ABCC4: variants seen among roughly 807,000 people sequenced by gnomAD.
ABCC4 encodes the protein ATP binding cassette subfamily C member 4 (PEL blood group), also known as ATP-binding cassette sub-family C member 4.
Under a neutral mutation model 168.5 loss-of-function variants are expected in ABCC4, and 102 were observed. That is an observed-to-expected ratio of 0.61 (90% CI 0.52 to 0.71). The LOEUF is 0.71. ABCC4 is among the 30% of genes least tolerant of loss of function. ABCC4 has a pLI of 0.00. For missense variants in ABCC4, 1,402 were observed against 1,605.8 expected (o/e 0.87, Z 2.17); for synonymous variants, 617 against 590.7 (o/e 1.04, Z -0.65).
intron 21 of ABCC4, 23 bp from the exon 22 acceptor site, chr13:95,075,574 C>T (rs2033871021): frequency 6.2e-7 from 1 of 1,613,558 alleles, no homozygotes; most frequent in African/African-American, 1.3e-5. Flanking sequence ...ACAGAGAAAA[C>T]AGCTCAGTGA....
chr13:95,271,778 G>A (rs191051536), intron 1 of ABCC4, among the ~76,000 whole-genome samples: 2 of 152,224 alleles, frequency 1.3e-5, no homozygotes, highest in African/African-American at 2.4e-5. Flanking sequence ...AGCTCTGCAC[G>A]AAACTGGAAG....
chr13:95,071,541 T>G (rs1467966586), intron 25 of ABCC4, 121 bp downstream of exon 25: 5 of 858,658 alleles, frequency 5.8e-6, no homozygotes, highest in East Asian at 3.1e-5. Context: ...CCATGGTTAG[T>G]TTCCAAGACA....
intron 3 of ABCC4, among the ~76,000 whole-genome samples, chr13:95,241,856 C>T (rs2039952618): frequency 6.6e-6 from 1 of 152,182 alleles, no homozygotes; most frequent in African/African-American, 2.4e-5. Context: ...CCCTGCTTGC[C>T]TTCAGCTTAG....
At chr13:95,272,440 CAG>C (rs1357792312) in intron 1 of ABCC4, among the ~76,000 whole-genome samples, 1 of 152,156 alleles carries the variant, frequency 6.6e-6, no homozygotes, top group East Asian at 1.9e-4. Flanking sequence ...CTTTCACAGA[CAG>C]AGAAAAAAGT....
chr13:95,111,498 C>T (rs34334004), intron 20 of ABCC4, among the ~76,000 whole-genome samples: 14,894 of 152,212 alleles, frequency 0.098, 1,001 homozygotes, highest in Middle Eastern at 0.15. Flanking sequence ...AAGGCCTAAT[C>T]AAAAACCTCA....
intron 19 of ABCC4, among the ~76,000 whole-genome samples, chr13:95,144,395 G>A (rs1363761024): frequency 1.3e-5 from 2 of 152,052 alleles, no homozygotes; most frequent in Non-Finnish European, 2.9e-5. Flanking sequence ...GGAAGTCCTA[G>A]CCAGAACAAT....
chr13:95,247,179 A>T, intron 2 of ABCC4, 84 bp from the exon 3 acceptor site: 1 of 1,445,610 alleles, frequency 6.9e-7, no homozygotes. Flanking sequence ...ACAGGTATGC[A>T]TTTAAGACAG....
chr13:95,277,968 C>A (rs922435960), intron 1 of ABCC4, among the ~76,000 whole-genome samples: 7 of 152,160 alleles, frequency 4.6e-5, no homozygotes, highest in Non-Finnish European at 1.0e-4. Flanking sequence ...AAGAAACTAG[C>A]TCAGATTGGA....
At chr13:95,192,403 T>C (rs919365197) in intron 9 of ABCC4, among the ~76,000 whole-genome samples, 3 of 151,986 alleles carry the variant, frequency 2.0e-5, no homozygotes, top group Admixed American at 6.6e-5. Flanking sequence ...GAAAACAGGA[T>C]GGAGTGTTCT....
At chr13:95,279,100 T>C (rs998002954) in intron 1 of ABCC4, among the ~76,000 whole-genome samples, 5 of 152,252 alleles carry the variant, frequency 3.3e-5, no homozygotes, top group African/African-American at 1.2e-4. Context: ...AAACACAGGA[T>C]ACTACAGAGA....
In ABCC4 at chr13:95,247,730, A is replaced by G. The variant is rs1457422742; in HGVS notation, c.98T>C (p.Ile33Thr). The change falls in exon 2 of 31, where the codon ATT (isoleucine) becomes ACT (threonine). Residue 33 changes from isoleucine (I) to threonine (T), a missense_variant. This residue lies in a region of ABCC4 where 317 missense variants were observed against 345.5 expected (regional missense o/e 0.92). Coordinates refer to ENST00000645237, the MANE Select transcript of ABCC4 (RefSeq NM_005845.5). ...FFWWLNPLFKIGHKRRLEEDD... is the reference protein window; with the variant it reads ...FFWWLNPLFKTGHKRRLEEDD... ...TTCCTCTAATCTCCGTTTATGGCCA[A>G]TTTTAAACAAGGGATTGAGCCACCT... 2.5e-6 allele frequency: 4 copies of G among 1,614,012 alleles called. No individual in the cohort carries two copies. The highest frequency in any genetic ancestry group is 3.4e-6 in the Non-Finnish European group (4 of 1,179,934).
intron 11 of ABCC4, 85 bp downstream of exon 11, chr13:95,186,616 A>G: frequency 7.4e-7 from 1 of 1,344,704 alleles, no homozygotes; most frequent in Non-Finnish European, 1.0e-6. Flanking sequence ...TAAAAATTAA[A>G]AAAAAGTTAA....
intron 3 of ABCC4, among the ~76,000 whole-genome samples, chr13:95,236,598 GCGCGCACA>G (rs1342913171): frequency 4.1e-4 from 57 of 139,974 alleles, no homozygotes; most frequent in Non-Finnish European, 6.6e-4. Context: ...ACGCGCGCGT[GCGCGCACA>G]CACACACACA....
chr13:95,088,756 A>G (rs2034337358), intron 20 of ABCC4, among the ~76,000 whole-genome samples: 2 of 152,098 alleles, frequency 1.3e-5, no homozygotes, highest in African/African-American at 2.4e-5. Context: ...TTTTAAAGAC[A>G]GGTTAAAAGT....
intron 1 of ABCC4, among the ~76,000 whole-genome samples, chr13:95,274,086 C>T (rs752753697): frequency 5.3e-5 from 8 of 152,120 alleles, no homozygotes; most frequent in Non-Finnish European, 1.0e-4. Context: ...ATTGCCCAGT[C>T]TCAGGTATGT....
At chr13:95,133,041 T>C (rs1174321393) in intron 19 of ABCC4, among the ~76,000 whole-genome samples, 2 of 151,800 alleles carry the variant, frequency 1.3e-5, no homozygotes, top group East Asian at 1.9e-4. Flanking sequence ...CACCAAACTA[T>C]ATAGAGTACT....
intron 26 of ABCC4, among the ~76,000 whole-genome samples, chr13:95,059,795 C>T (rs1237884328): frequency 6.6e-6 from 1 of 152,168 alleles, no homozygotes; most frequent in African/African-American, 2.4e-5. Context: ...GCCTGCACCC[C>T]AATCCTTAAT....
intron 3 of ABCC4, among the ~76,000 whole-genome samples, chr13:95,235,289 T>C (rs541839082): frequency 6.6e-6 from 1 of 152,322 alleles, no homozygotes; most frequent in Middle Eastern, 3.4e-3. Context: ...GACAAGCCGA[T>C]AGGAGTTTTA....
chr13:95,146,826 G>T lies in ABCC4; in HGVS notation c.2455+14363C>A, dbSNP rs144200866. Among the ~76,000 whole-genome samples, 66 of 152,214 alleles carry T rather than the reference G, an allele frequency of 4.3e-4. 1 individual carries two copies. The highest frequency in any genetic ancestry group is 3.5e-3 in the East Asian group (18 of 5,186). On this transcript the variant is annotated intron_variant, in intron 19 of 30. Coordinates refer to ENST00000645237, the MANE Select transcript of ABCC4 (RefSeq NM_005845.5). ...TTGCTATAAAATTATAAGACACAGG[G>T]CAAGATTCCAAATGTATTGTACCTC...
Sources: allele counts gnomAD v4.1 joint callset (sites outside exome capture counted in the v4.1 genomes callset), GRCh38; gene constraint gnomAD v4.1.1; regional missense constraint gnomAD v4.1.1; transcripts MANE v1.5; gene names NCBI Gene and HGNC (gene_info 2026-07-23, HGNC 2026-07-21).